The following SIK3 variants were observed in gnomAD, a reference collection of about 807,000 sequenced individuals.
SIK3 encodes the protein serine/threonine-protein kinase SIK3.
In SIK3, 28 loss-of-function variants were observed where a neutral mutation model predicts 144.2. The ratio of observed to expected loss-of-function variants is 0.19; its 90% CI spans 0.14 to 0.27. SIK3 has a LOEUF of 0.27. Among genes scored for constraint, SIK3 ranks in the 10% least tolerant of loss-of-function variants. The pLI is 1.00. For missense variants in SIK3, 1,319 were observed against 1,776.0 expected, an observed-to-expected ratio of 0.74 and a Z score of 4.62; for synonymous variants, 686 against 676.3, an observed-to-expected ratio of 1.01 and a Z score of -0.22.
chr11:117,051,282 T>C (rs1394113401), intron 1 of SIK3, among the ~76,000 whole-genome samples: 2 of 152,106 alleles, frequency 1.3e-5, no homozygotes, highest in African/African-American at 2.4e-5. Flanking sequence ...TCAGCCTTGA[T>C]TCCCCTGGTT....
intron 3 of SIK3, among the ~76,000 whole-genome samples, chr11:116,936,614 A>G (rs994014764): frequency 6.6e-6 from 1 of 152,178 alleles, no homozygotes; most frequent in Non-Finnish European, 1.5e-5. Flanking sequence ...ACATCCAATT[A>G]CTTACAAAAT....
intron 1 of SIK3, among the ~76,000 whole-genome samples, chr11:116,969,331 T>C (rs974248196): frequency 2.0e-5 from 3 of 150,614 alleles, no homozygotes; most frequent in Non-Finnish European, 4.4e-5. Context: ...TGCATAAATA[T>C]TGTTCTAGGA....
chr11:116,953,809 AC>A (rs1949041935), intron 3 of SIK3, among the ~76,000 whole-genome samples: 1 of 152,228 alleles, frequency 6.6e-6, no homozygotes, highest in Non-Finnish European at 1.5e-5. Flanking sequence ...TTTAATCTCA[AC>A]TGTCAGCGCC....
chr11:116,931,206 G>A (rs1158468781), intron 3 of SIK3, among the ~76,000 whole-genome samples: 4 of 152,184 alleles, frequency 2.6e-5, no homozygotes, highest in African/African-American at 7.2e-5. Context: ...AGAAGTACAG[G>A]AAATCGATTT....
chr11:117,092,283 T>C (rs1591693445), intron 1 of SIK3, among the ~76,000 whole-genome samples: 1 of 152,148 alleles, frequency 6.6e-6, no homozygotes, highest in African/African-American at 2.4e-5. Flanking sequence ...TGTCTAATCT[T>C]TGACCAAACC....
chr11:116,859,311 G>A lies in SIK3; in HGVS notation c.2719C>T (p.Arg907Cys), dbSNP rs750773075. 18 of 1,613,168 alleles carry A rather than the reference G, an allele frequency of 1.1e-5. No individual in the cohort carries two copies. Among genetic ancestry groups the A allele is most frequent in the Admixed American group, 3.3e-5 (2 of 60,002 alleles). The change falls in exon 20 of 25, where the codon CGT (arginine) becomes TGT (cysteine). Residue 907 changes from arginine to cysteine, a missense_variant. Physicochemically the swap from Arg to Cys is radical, Grantham distance 180 (BLOSUM62 -3). This residue lies in a region of SIK3 where 646 missense variants were observed against 763.7 expected (regional missense o/e 0.85). Coordinates refer to ENST00000445177, the MANE Select transcript of SIK3 (RefSeq NM_001366686.3). ...GCACTCAGCTGCTTGGACAAGGGAC[G>A]GTGCCCATAGCTGAGGGTGGCCATC... is the stretch of plus-strand genomic sequence containing the variant. Reference protein sequence around the residue: ...NLMATLSYGHRPLSKQLSADS... With the variant: ...NLMATLSYGHCPLSKQLSADS...
rs1302968471 is a variant in SIK3, at chr11:116,875,141, G to A, written c.1427+17C>T. 6.2e-7 allele frequency: 1 copy of A among 1,604,122 alleles called. No homozygotes were observed. The highest frequency in any genetic ancestry group is 1.1e-5 in the South Asian group (1 of 90,700). ...CTTTGCCCCAGTGTTAGTGAGGGCTGTTGGCCGGATACTCACCGTGGGTCA... is the reference window on the plus strand; with the variant it reads ...CTTTGCCCCAGTGTTAGTGAGGGCTATTGGCCGGATACTCACCGTGGGTCA... On this transcript the variant is annotated intron_variant, in intron 11 of 24. Transcript: ENST00000445177.
intron 1 of SIK3, among the ~76,000 whole-genome samples, chr11:117,019,761 G>A (rs943586293): frequency 2.0e-5 from 3 of 151,942 alleles, no homozygotes; most frequent in East Asian, 1.9e-4. Flanking sequence ...CTACAGGCGC[G>A]TGCCACCACG....
At chr11:117,038,828 T>A (rs552476000) in intron 1 of SIK3, among the ~76,000 whole-genome samples, 1 of 151,872 alleles carries the variant, frequency 6.6e-6, no homozygotes, top group Admixed American at 6.6e-5. Context: ...GGCGGGCATA[T>A]CATCTGAGGT....
chr11:116,920,704 A>G (rs1315105851), intron 4 of SIK3, among the ~76,000 whole-genome samples: 1 of 152,150 alleles, frequency 6.6e-6, no homozygotes, highest in African/African-American at 2.4e-5. Context: ...CATGTCCTCA[A>G]TACAATATTT....
intron 1 of SIK3, among the ~76,000 whole-genome samples, chr11:117,046,647 AGGAGGT>A: frequency 6.6e-6 from 1 of 152,128 alleles, no homozygotes. Flanking sequence ...GGGAGGTGGA[AGGAGGT>A]GGATCACTTG....
At chr11:116,872,327 T>A (rs562916819) in intron 13 of SIK3, among the ~76,000 whole-genome samples, 9 of 152,344 alleles carry the variant, frequency 5.9e-5, no homozygotes, top group African/African-American at 1.9e-4. Context: ...CCACGTCCCA[T>A]AAAGCTGACC....
chr11:116,896,296 G>A lies in SIK3; in HGVS notation c.822C>T (p.Arg274=), dbSNP rs781741381. ...GGATGCGGAACTTTCCACTCAGCAC[G>A]CGGGCCCGCAGATTCTGCAGTGTGC... ...DGSTLQNLRA[R]VLSGKFRIPF... Residue 274 remains arginine, a synonymous_variant, in exon 6 of 25, where the codon CGC becomes CGT. Coordinates refer to ENST00000445177, the MANE Select transcript of SIK3 (RefSeq NM_001366686.3). The A allele has an allele frequency of 2.7e-5, 43 of 1,613,798 alleles. No individual in the cohort carries two copies. The South Asian group carries it at 4.0e-4, about 15-fold the overall frequency.
chr11:117,069,125 A>G (rs781046047), intron 1 of SIK3, among the ~76,000 whole-genome samples: 2 of 146,278 alleles, frequency 1.4e-5, no homozygotes, highest in Admixed American at 1.4e-4. Flanking sequence ...AGAGAGAAAG[A>G]AGATAAAGGG....
At chr11:116,921,232 A>T (rs1415024111) in intron 4 of SIK3, among the ~76,000 whole-genome samples, 1 of 152,222 alleles carries the variant, frequency 6.6e-6, no homozygotes, top group African/African-American at 2.4e-5. Flanking sequence ...AAGAGATTTT[A>T]CTTTTTTAAT....
intron 1 of SIK3, among the ~76,000 whole-genome samples, chr11:117,021,821 T>G (rs1195322539): frequency 6.7e-6 from 1 of 148,490 alleles, no homozygotes; most frequent in Non-Finnish European, 1.5e-5. Flanking sequence ...AAAATAAATC[T>G]GGGCACAGTG....
intron 1 of SIK3, among the ~76,000 whole-genome samples, chr11:116,966,805 G>A (rs546419298): frequency 6.6e-5 from 10 of 152,002 alleles, no homozygotes; most frequent in Middle Eastern, 3.4e-3. Flanking sequence ...TTTGAGATCA[G>A]TCTGGCCAAC....
At chr11:116,876,760 C>G (rs1430993075) in intron 7 of SIK3, among the ~76,000 whole-genome samples, 164 bp downstream of exon 7, 1 of 152,226 alleles carries the variant, frequency 6.6e-6, no homozygotes, top group Non-Finnish European at 1.5e-5. Flanking sequence ...AGCAGTTTAA[C>G]TGGTTTTACA....
chr11:116,916,163 T>C (rs1249635771), intron 4 of SIK3, among the ~76,000 whole-genome samples: 2 of 152,184 alleles, frequency 1.3e-5, no homozygotes, highest in East Asian at 3.8e-4. Flanking sequence ...AGATCCTGTA[T>C]ACTACTTGAG....
Sources: gnomAD v4.1 joint callset for allele counts (sites outside exome capture counted in the v4.1 genomes callset) on GRCh38, gnomAD v4.1.1 for gene constraint, gnomAD v4.1.1 regional missense constraint, MANE v1.5 for transcripts, NCBI Gene and HGNC (gene_info 2026-07-23, HGNC 2026-07-21) for gene names.